The following SYT14 variants were observed in gnomAD, a reference collection of about 807,000 sequenced individuals.
The protein encoded by SYT14 is synaptotagmin-14.
Under a neutral mutation model 74.2 loss-of-function variants are expected in SYT14, and 32 were observed. The observed-to-expected ratio is 0.43, with a 90% CI of 0.33 to 0.58. The LOEUF is 0.58. Among genes scored for constraint, SYT14 ranks in the 20% least tolerant of loss-of-function variants. SYT14 has a pLI of 0.05. For synonymous variants in SYT14, 298 were observed against 337.7 expected, an observed-to-expected ratio of 0.88 and a Z score of 1.29; for missense variants, 791 against 981.8, an observed-to-expected ratio of 0.81 and a Z score of 2.60.
chr1:210,050,914 T>A (rs1180625019), intron 5 of SYT14, among the ~76,000 whole-genome samples: 1 of 152,244 alleles, frequency 6.6e-6, no homozygotes, highest in African/African-American at 2.4e-5. Flanking sequence ...CCAAACCATA[T>A]CAGTCCCAAT....
intron 7 of SYT14, 71 bp downstream of exon 6, chr1:210,100,532 C>G: frequency 6.7e-7 from 1 of 1,487,096 alleles, no homozygotes; most frequent in Non-Finnish European, 9.3e-7. Context: ...TTTTAAAAAT[C>G]TTTAATCAAG....
chr1:210,112,650 G>A (rs369618065), intron 7 of SYT14, among the ~76,000 whole-genome samples: 5 of 151,330 alleles, frequency 3.3e-5, no homozygotes, highest in Non-Finnish European at 7.4e-5. Context: ...TGCCCTGAGC[G>A]ATGGGATCTG....
intron 1 of SYT14, among the ~76,000 whole-genome samples, chr1:209,950,965 T>A (rs2078902568): frequency 6.6e-6 from 1 of 152,210 alleles, no homozygotes. Flanking sequence ...GAAATATGTC[T>A]ACATGGTAGT....
At chr1:209,964,204 C>G (rs766146778) in intron 2 of SYT14, among the ~76,000 whole-genome samples, 1 of 152,066 alleles carries the variant, frequency 6.6e-6, no homozygotes, top group Non-Finnish European at 1.5e-5. Flanking sequence ...TATAAGAGTT[C>G]GGCAGTTCCT....
At chr1:210,062,940 C>T (rs186065562) in intron 5 of SYT14, among the ~76,000 whole-genome samples, 5 of 148,992 alleles carry the variant, frequency 3.4e-5, no homozygotes, top group South Asian at 4.2e-4. Context: ...TTTTCTTTTG[C>T]GTTGATGGTA....
intron 5 of SYT14, among the ~76,000 whole-genome samples, chr1:210,054,467 C>T (rs899594881): frequency 2.6e-5 from 4 of 151,954 alleles, no homozygotes; most frequent in South Asian, 2.1e-4. Context: ...TCTTTTCTTC[C>T]ATCTTAAGCC....
exon 10 of SYT14, chr1:210,162,585 T>TA (rs1407135197): frequency 3.1e-5 from 11 of 356,346 alleles, no homozygotes. Flanking sequence ...GACAAAAACA[T>TA]ACTATTTACC....
At position 210,013,558 on chromosome 1, in the gene SYT14, A is replaced by G; in HGVS notation, c.-485-75A>G. The G allele has an allele frequency of 2.2e-6, 3 of 1,366,144 alleles. No individual in the cohort carries two copies. The East Asian group carries it at 6.9e-5, about 31-fold the overall frequency. The allele number at this position is 1,366,144 out of a possible 1,614,324, so 84.6% of individuals were successfully genotyped here. The stretch of plus-strand genomic sequence containing the variant: ...TCAAATAAGGTAGTAAGCTAACTTA[A>G]TGTTTGGGGTTTCCTTCTTATTTGT... On this transcript the variant is annotated intron_variant, in intron 2 of 9. Transcript: ENST00000637265.
intron 5 of SYT14, among the ~76,000 whole-genome samples, chr1:210,057,970 G>A (rs568422520): frequency 3.0e-4 from 46 of 152,270 alleles, no homozygotes; most frequent in African/African-American, 7.5e-4. Context: ...TGATTAGGTT[G>A]TACATTTAGG....
intron 5 of SYT14, among the ~76,000 whole-genome samples, chr1:210,039,595 G>A (rs1467187171): frequency 2.0e-5 from 3 of 152,062 alleles, no homozygotes; most frequent in Non-Finnish European, 4.4e-5. Flanking sequence ...GAGTGAACAG[G>A]CACCCTACAG....
chr1:210,099,275 G>T (rs1271291171), intron 6 of SYT14, among the ~76,000 whole-genome samples: 2 of 152,012 alleles, frequency 1.3e-5, no homozygotes, highest in South Asian at 2.1e-4. Flanking sequence ...AGGAAAAATG[G>T]TTATAATTTC....
intron 7 of SYT14, among the ~76,000 whole-genome samples, chr1:210,133,961 GT>G (rs892619232): frequency 1.2e-4 from 18 of 151,268 alleles, no homozygotes; most frequent in Admixed American, 2.6e-4. Flanking sequence ...AGTTTCATTT[GT>G]ATAGGCAGAG....
intron 2 of SYT14, among the ~76,000 whole-genome samples, chr1:210,009,154 A>G (rs1483738773): frequency 6.6e-6 from 1 of 152,232 alleles, no homozygotes; most frequent in African/African-American, 2.4e-5. Context: ...TACAGTATTC[A>G]TATCTTTAGT....
chr1:209,975,383 CA>C (rs2079341789), intron 2 of SYT14, among the ~76,000 whole-genome samples: 1 of 152,198 alleles, frequency 6.6e-6, no homozygotes, highest in Non-Finnish European at 1.5e-5. Context: ...TACATCCCAT[CA>C]ATACCTAATT....
Position 210,008,735 on chromosome 1 carries a change from GGCCTAGAAT to G in SYT14, c.-485-4895_-485-4887del, listed in dbSNP as rs1299441621. Among the ~76,000 whole-genome samples, 4 of 152,204 alleles carry G rather than the reference GGCCTAGAAT, an allele frequency of 2.6e-5. No individual in the cohort carries two copies. The East Asian group carries it at 7.7e-4, about 29-fold the overall frequency. The stretch of plus-strand genomic sequence containing the variant: ...ATAGATTTACTTTCCTGCAGTGGGT[GGCCTAGAAT>G]GCTTGAAAGAAGGTATAGGTATAGA... On this transcript the variant is annotated intron_variant, in intron 2 of 9. Transcript: ENST00000637265.
intron 5 of SYT14, among the ~76,000 whole-genome samples, chr1:210,047,016 C>T (rs1340717481): frequency 6.6e-6 from 1 of 151,952 alleles, no homozygotes; most frequent in Non-Finnish European, 1.5e-5. Context: ...CAGTCTGATT[C>T]CAGATCTCCT....
intron 3 of SYT14, among the ~76,000 whole-genome samples, chr1:210,015,405 A>G (rs1255618081): frequency 1.3e-5 from 2 of 152,198 alleles, no homozygotes; most frequent in East Asian, 3.8e-4. Flanking sequence ...AAATAGGAAT[A>G]ATAATATTTA....
At chr1:209,948,511 T>C (rs2078858278) in intron 1 of SYT14, among the ~76,000 whole-genome samples, 1 of 152,248 alleles carries the variant, frequency 6.6e-6, no homozygotes, top group African/African-American at 2.4e-5. Context: ...CTGTTTCTCC[T>C]TTCCATGTTG....
At chr1:210,032,426 A>G (rs1009341709) in intron 5 of SYT14, among the ~76,000 whole-genome samples, 3 of 151,962 alleles carry the variant, frequency 2.0e-5, no homozygotes, top group African/African-American at 7.2e-5. Context: ...TTACTCTCAA[A>G]TCATGTTTTC....
Sources: allele counts gnomAD v4.1 joint callset (sites outside exome capture counted in the v4.1 genomes callset), GRCh38; gene constraint gnomAD v4.1.1; transcripts MANE v1.5; gene names NCBI Gene and HGNC (gene_info 2026-07-23, HGNC 2026-07-21).